Variants in PACRG observed in about 807,000 individuals in gnomAD.
The protein encoded by PACRG is parkin coregulated, also known as parkin coregulated gene protein.
A neutral mutation model predicts 29.7 loss-of-function variants in PACRG; 29 were observed. The observed-to-expected ratio is 0.98, with a 90% CI of 0.73 to 1.33. PACRG has a LOEUF of 1.33. Ranked by LOEUF, PACRG falls within the 40% of genes most tolerant of loss-of-function variation. The pLI is 0.00. For synonymous variants in PACRG, 116 were observed against 118.7 expected, an observed-to-expected ratio of 0.98 and a Z score of 0.15; for missense variants, 279 against 316.2, an observed-to-expected ratio of 0.88 and a Z score of 0.89.
intron 2 of PACRG, among the ~76,000 whole-genome samples, chr6:162,968,777 G>A (rs1270723685): frequency 2.0e-5 from 3 of 152,042 alleles, no homozygotes; most frequent in African/African-American, 4.8e-5. Flanking sequence ...GGCTGGGCGC[G>A]GTGGGTCACG....
chr6:162,746,098 T>C (rs1261805181), intron 1 of PACRG, among the ~76,000 whole-genome samples: 1 of 152,128 alleles, frequency 6.6e-6, no homozygotes, highest in Non-Finnish European at 1.5e-5. Context: ...ACAAGATAGA[T>C]CATGGCTAAC....
intron 2 of PACRG, among the ~76,000 whole-genome samples, chr6:163,040,272 T>G (rs1465835134): frequency 6.6e-6 from 1 of 152,170 alleles, no homozygotes; most frequent in East Asian, 1.9e-4. Flanking sequence ...GAGTTGAGGT[T>G]TGGGAGCCTC....
chr6:163,268,263 G>A (rs146854605), intron 4 of PACRG, among the ~76,000 whole-genome samples: 1,636 of 152,032 alleles, frequency 0.011, 26 homozygotes, highest in African/African-American at 0.037. Flanking sequence ...TTAGCCGGGC[G>A]TGGTGGCGGG....
At chr6:163,258,575 G>A (rs1390567145) in intron 4 of PACRG, among the ~76,000 whole-genome samples, 2 of 152,050 alleles carry the variant, frequency 1.3e-5, no homozygotes, top group African/African-American at 4.8e-5. Context: ...GGCTAACACG[G>A]TGAAACCCTG....
At chr6:162,955,455 A>G (rs1456631723) in intron 2 of PACRG, among the ~76,000 whole-genome samples, 2 of 151,900 alleles carry the variant, frequency 1.3e-5, no homozygotes, top group Non-Finnish European at 2.9e-5. Context: ...ACCTGCCACC[A>G]CACCCGGCTA....
chr6:163,227,445 G>C (rs1781851088), intron 4 of PACRG, among the ~76,000 whole-genome samples: 1 of 152,278 alleles, frequency 6.6e-6, no homozygotes, highest in African/African-American at 2.4e-5. Context: ...CAACATTTGA[G>C]CGCGATCAGA....
intron 4 of PACRG, among the ~76,000 whole-genome samples, chr6:163,286,077 G>A (rs1372180197): frequency 6.6e-6 from 1 of 152,184 alleles, no homozygotes; most frequent in Non-Finnish European, 1.5e-5. Flanking sequence ...TGCAAGTGGA[G>A]GGGTGAACGG....
chr6:163,229,016 A>G (rs1486154238), intron 4 of PACRG, among the ~76,000 whole-genome samples: 1 of 152,254 alleles, frequency 6.6e-6, no homozygotes, highest in African/African-American at 2.4e-5. Context: ...TTATAAAAAT[A>G]GTAAACATTT....
intron 4 of PACRG, among the ~76,000 whole-genome samples, chr6:163,126,296 C>T (rs1562929938): frequency 6.6e-6 from 1 of 152,192 alleles, no homozygotes; most frequent in Non-Finnish European, 1.5e-5. Context: ...CTGAATCAGG[C>T]CTTTCACCTT....
chr6:163,010,426 G>A (rs1169734344), intron 2 of PACRG, among the ~76,000 whole-genome samples: 1 of 152,098 alleles, frequency 6.6e-6, no homozygotes, highest in Non-Finnish European at 1.5e-5. Flanking sequence ...GTAGGAGAAT[G>A]GGCCTAAATG....
At chr6:163,062,074 A>G (rs1811140717) in intron 2 of PACRG, 76 bp from the exon 3 acceptor site, 1 of 1,495,084 alleles carries the variant, frequency 6.7e-7, no homozygotes, top group South Asian at 1.3e-5. Context: ...GGAGTGGGTG[A>G]CAGCTGCATA....
intron 4 of PACRG, among the ~76,000 whole-genome samples, chr6:163,279,046 A>G (rs915027991): frequency 1.3e-5 from 2 of 152,048 alleles, no homozygotes; most frequent in African/African-American, 2.4e-5. Context: ...GAGGTCTTTC[A>G]TGTCCTTGGT....
At chr6:162,888,505 C>A (rs1562702065) in intron 2 of PACRG, among the ~76,000 whole-genome samples, 2 of 152,132 alleles carry the variant, frequency 1.3e-5, no homozygotes, top group Admixed American at 1.3e-4. Flanking sequence ...CAACTGCTGC[C>A]AAGCCCTGCT....
At chr6:163,274,860 TC>T (rs1478260905) in intron 4 of PACRG, among the ~76,000 whole-genome samples, 9 of 73,922 alleles carry the variant, frequency 1.2e-4, no homozygotes, top group Admixed American at 2.6e-4. Context: ...TTTCTTTCTT[TC>T]TTTTTTTTTT....
chr6:163,036,325 G>A (rs770271092), intron 2 of PACRG, among the ~76,000 whole-genome samples: 1 of 152,168 alleles, frequency 6.6e-6, no homozygotes, highest in Admixed American at 6.5e-5. Context: ...CACACTGTGA[G>A]TACAGACAGT....
intron 1 of PACRG, among the ~76,000 whole-genome samples, chr6:162,735,775 A>G (rs1780119776): frequency 6.6e-6 from 1 of 152,166 alleles, no homozygotes; most frequent in Non-Finnish European, 1.5e-5. Flanking sequence ...GTTTACCTCA[A>G]ACATACTTGT....
intron 1 of PACRG, among the ~76,000 whole-genome samples, chr6:162,790,987 T>C (rs1784887504): frequency 6.6e-6 from 1 of 152,224 alleles, no homozygotes; most frequent in African/African-American, 2.4e-5. Flanking sequence ...GAGAAACATA[T>C]GTATTTAAAG....
intron 4 of PACRG, among the ~76,000 whole-genome samples, chr6:163,143,927 TA>T (rs1777667684): frequency 1.3e-5 from 2 of 152,168 alleles, no homozygotes; most frequent in Admixed American, 1.3e-4. Flanking sequence ...CATAATTGCG[TA>T]ATCTTTTCTG....
At chr6:163,277,647 GTA>G (rs1467469925) in intron 4 of PACRG, among the ~76,000 whole-genome samples, 18 of 145,834 alleles carry the variant, frequency 1.2e-4, no homozygotes, top group South Asian at 4.2e-4. Flanking sequence ...GTATATATAT[GTA>G]TATGTGTGTG....
Sources: allele counts gnomAD v4.1 joint callset (sites outside exome capture counted in the v4.1 genomes callset), GRCh38; gene constraint gnomAD v4.1.1; transcripts MANE v1.5; gene names NCBI Gene and HGNC (gene_info 2026-07-23, HGNC 2026-07-21).